The following DHRSX variants were observed in gnomAD, a reference collection of about 807,000 sequenced individuals.
The protein encoded by DHRSX is dehydrogenase/reductase X-linked.
DHRSX carries 31 observed loss-of-function variants against 34.0 expected under a neutral mutation model. The ratio of observed to expected loss-of-function variants is 0.91; its 90% CI spans 0.69 to 1.23. The LOEUF is 1.23. Ranked by LOEUF, DHRSX falls within the 50% of genes most tolerant of loss-of-function variation. The pLI, the probability that DHRSX is intolerant of heterozygous loss-of-function variation, is 0.00. For missense variants in DHRSX, 414 were observed against 428.1 expected (o/e 0.97, Z 0.29); for synonymous variants, 201 against 183.8 (o/e 1.09, Z -0.76).
intron 6 of DHRSX, 54 bp from the exon 7 acceptor site, chrX:2,221,283 A>C: frequency 6.4e-7 from 1 of 1,560,982 alleles, no homozygotes; most frequent in Non-Finnish European, 8.7e-7. Context: ...AGCAGGAAAC[A>C]GGAGTCTCAG....
At chrX:2,401,893 GA>G (rs1170240998) in intron 3 of DHRSX, among the ~76,000 whole-genome samples, 2 of 152,196 alleles carry the variant, frequency 1.3e-5, no homozygotes, top group African/African-American at 4.8e-5. Context: ...CCAGATTCCT[GA>G]AAACAATCGC....
intron 3 of DHRSX, among the ~76,000 whole-genome samples, chrX:2,345,918 T>C (rs1237488251): frequency 6.6e-6 from 1 of 152,172 alleles, no homozygotes; most frequent in African/African-American, 2.4e-5. Flanking sequence ...CAAAATTCCT[T>C]AAAATAAATG....
intron 3 of DHRSX, among the ~76,000 whole-genome samples, chrX:2,291,902 T>G (rs2041871332): frequency 6.8e-6 from 1 of 147,842 alleles, no homozygotes; most frequent in Non-Finnish European, 1.5e-5. Context: ...TTGTATTTTT[T>G]TTTTTTTTTT....
At chrX:2,321,166 TATAA>T (rs1334393557) in intron 3 of DHRSX, among the ~76,000 whole-genome samples, 7 of 152,126 alleles carry the variant, frequency 4.6e-5, no homozygotes, top group African/African-American at 1.7e-4. Flanking sequence ...GGAGCATTTA[TATAA>T]ATAAATGTTT....
chrX:2,341,078 G>A (rs1274784197), intron 3 of DHRSX, among the ~76,000 whole-genome samples: 4 of 152,022 alleles, frequency 2.6e-5, no homozygotes, highest in Non-Finnish European at 4.4e-5. Flanking sequence ...TCCAGTTTGC[G>A]ATCCTGGGAA....
chrX:2,360,561 C>T (rs1054200182), intron 3 of DHRSX, among the ~76,000 whole-genome samples: 14 of 152,080 alleles, frequency 9.2e-5, no homozygotes, highest in East Asian at 3.9e-4. Context: ...CCAGCCTGGG[C>T]AACAGAGTGA....
chrX:2,325,384 CA>C (rs1366016067), intron 3 of DHRSX, among the ~76,000 whole-genome samples: 2 of 151,506 alleles, frequency 1.3e-5, no homozygotes, highest in South Asian at 2.1e-4. Flanking sequence ...ATCTTCCCGG[CA>C]GGAACTAGGG....
chrX:2,389,986 G>C (rs923161570), intron 3 of DHRSX, among the ~76,000 whole-genome samples: 3 of 151,878 alleles, frequency 2.0e-5, no homozygotes, highest in African/African-American at 7.3e-5. Context: ...TCGCCATGTC[G>C]GCCACGGTGG....
At chrX:2,243,802 T>TGTTTTG (rs1260215028) in intron 5 of DHRSX, among the ~76,000 whole-genome samples, 44,692 of 99,504 alleles carry the variant, frequency 0.45, 9,385 homozygotes, top group Non-Finnish European at 0.57. Context: ...TTTTTTTTTT[T>TGTTTTG]TTTTTTTTTT....
chrX:2,338,170 T>A (rs763439868), intron 3 of DHRSX, among the ~76,000 whole-genome samples: 5 of 150,674 alleles, frequency 3.3e-5, no homozygotes, highest in Admixed American at 1.3e-4. Context: ...CCGTCTCTAC[T>A]AAAAATGCAA....
At chrX:2,226,916 C>T (rs1366238925) in intron 6 of DHRSX, among the ~76,000 whole-genome samples, 1 of 152,058 alleles carries the variant, frequency 6.6e-6, no homozygotes, top group Non-Finnish European at 1.5e-5. Flanking sequence ...TTCTCAGAGT[C>T]GCTTTTGTTA....
chrX:2,465,809 CAA>C (rs375728172), intron 1 of DHRSX, among the ~76,000 whole-genome samples: 19,145 of 84,500 alleles, frequency 0.23, 1,587 homozygotes, highest in South Asian at 0.48. Flanking sequence ...AACTCCATCG[CAA>C]AAAAAAAAAA....
intron 3 of DHRSX, among the ~76,000 whole-genome samples, chrX:2,320,736 A>G (rs1049526359): frequency 3.3e-5 from 5 of 151,438 alleles, no homozygotes; most frequent in Non-Finnish European, 7.4e-5. Context: ...AGTCAACAAC[A>G]TGGGTGAATG....
At chrX:2,370,590 G>GAAAAAAAAAAAAAAAA (rs59435030) in intron 3 of DHRSX, among the ~76,000 whole-genome samples, 2,204 of 132,170 alleles carry the variant, frequency 0.017, 35 homozygotes, top group African/African-American at 0.026. Flanking sequence ...TGGTTTTACT[G>GAAAAAAAAAAAAAAAA]AAAAAAAAAA....
intron 1 of DHRSX, among the ~76,000 whole-genome samples, chrX:2,431,036 A>G (rs760786600): frequency 2.1e-5 from 3 of 146,072 alleles, no homozygotes; most frequent in African/African-American, 7.6e-5. Flanking sequence ...ACAAAACAAA[A>G]AAAAGACGGC....
At chrX:2,274,468 T>C (rs768922834) in intron 4 of DHRSX, among the ~76,000 whole-genome samples, 20 of 147,414 alleles carry the variant, frequency 1.4e-4, no homozygotes, top group East Asian at 8.3e-4. Flanking sequence ...CCAGGCTGGA[T>C]TGCAGTGGGT....
intron 3 of DHRSX, among the ~76,000 whole-genome samples, chrX:2,403,775 G>C (rs1281036037): frequency 6.6e-6 from 1 of 151,024 alleles, no homozygotes; most frequent in Non-Finnish European, 1.5e-5. Context: ...AGAATCGCTT[G>C]AACCCGGGAG....
chrX:2,419,337 T>G (rs2043741841), intron 2 of DHRSX, among the ~76,000 whole-genome samples: 1 of 152,172 alleles, frequency 6.6e-6, no homozygotes, highest in Non-Finnish European at 1.5e-5. Flanking sequence ...ACTGACCCCC[T>G]GGTCTTGGGA....
chrX:2,341,400 C>T (rs1157780685), intron 3 of DHRSX, among the ~76,000 whole-genome samples: 1 of 152,128 alleles, frequency 6.6e-6, no homozygotes, highest in Non-Finnish European at 1.5e-5. Context: ...ATTCTTCCTG[C>T]CTCTCCCAGC....
Sources: allele counts gnomAD v4.1 joint callset (sites outside exome capture counted in the v4.1 genomes callset), GRCh38; gene constraint gnomAD v4.1.1; transcripts MANE v1.5; gene names NCBI Gene and HGNC (gene_info 2026-07-23, HGNC 2026-07-21).